The following BAZ2B variants were observed in gnomAD, a reference collection of about 807,000 sequenced individuals.
BAZ2B encodes the protein bromodomain adjacent to zinc finger domain 2B, also known as bromodomain adjacent to zinc finger domain protein 2B.
In BAZ2B, 91 loss-of-function variants were observed where a neutral mutation model predicts 246.0. That is an observed-to-expected ratio of 0.37 (90% CI 0.31 to 0.44). The LOEUF (loss-of-function observed/expected upper bound fraction) is 0.44, where lower values mean the gene tolerates loss of function less well. BAZ2B is among the 20% of genes least tolerant of loss of function. BAZ2B has a pLI of 1.00. For missense variants in BAZ2B, 2,332 were observed against 2,533.7 expected, an observed-to-expected ratio of 0.92 and a Z score of 1.71; for synonymous variants, 855 against 860.0, an observed-to-expected ratio of 0.99 and a Z score of 0.10.
chr2:159,630,728 G>A, the BAZ2B span, among the ~76,000 whole-genome samples: 1 of 152,056 alleles, frequency 6.6e-6, no homozygotes, highest in Admixed American at 6.5e-5. Context: ...TAGAGACAGG[G>A]TTTCACCGTG....
chr2:159,454,799 C>A (rs1370528299), intron 3 of BAZ2B, among the ~76,000 whole-genome samples: 1 of 152,102 alleles, frequency 6.6e-6, no homozygotes, highest in Non-Finnish European at 1.5e-5. Flanking sequence ...ATATAAAAAT[C>A]ATTTTTAGCT....
chr2:159,573,806 A>C (rs1168023948), intron 1 of BAZ2B, among the ~76,000 whole-genome samples: 1 of 152,204 alleles, frequency 6.6e-6, no homozygotes, highest in Non-Finnish European at 1.5e-5. Flanking sequence ...CTCAATAATT[A>C]AAAACAACAC....
chr2:159,337,327 C>G, intron 32 of BAZ2B: 3 of 1,190,288 alleles, frequency 2.5e-6, no homozygotes, highest in Non-Finnish European at 3.4e-6. Context: ...AAAGTTTTTA[C>G]AAAGCACCAT....
chr2:159,413,120 C>T (rs891692862), intron 13 of BAZ2B, among the ~76,000 whole-genome samples: 2 of 152,146 alleles, frequency 1.3e-5, no homozygotes, highest in African/African-American at 4.8e-5. Flanking sequence ...GATGGAGGCT[C>T]ATACAATCAC....
Position 159,349,919 on chromosome 2 carries a change from G to A in BAZ2B, c.4652C>T (p.Thr1551Met), listed in dbSNP as rs552915317. The part of the protein sequence containing the change: ...SPLPNDQLLK[T>M]LTEKNRQWFS... ...CCATTGTCTATTCTTTTCAGTCAGC[G>A]TTTTTAGTAACTGGTCATTGGGGAG... The change falls in exon 28 of 37, where the codon ACG (threonine) becomes ATG (methionine). Residue 1551 changes from threonine (T) to methionine (M), a missense_variant. Physicochemically the swap from Thr to Met is moderately conservative, Grantham distance 81. Coordinates refer to ENST00000392783, the MANE Select transcript of BAZ2B (RefSeq NM_013450.4). 4.3e-6 allele frequency: 7 copies of A among 1,614,168 alleles called. No individual in the cohort carries two copies. Among genetic ancestry groups the A allele is most frequent in the East Asian group, 2.2e-5 (1 of 44,882 alleles).
At chr2:159,687,004 T>C in the BAZ2B span, among the ~76,000 whole-genome samples, 1 of 128,154 alleles carries the variant, frequency 7.8e-6, no homozygotes, top group Non-Finnish European at 1.5e-5. Flanking sequence ...ATTGCGCCAC[T>C]ACGCTCCAGC....
intron 1 of BAZ2B, among the ~76,000 whole-genome samples, chr2:159,561,145 G>A (rs1254955004): frequency 6.6e-6 from 1 of 152,140 alleles, no homozygotes; most frequent in Non-Finnish European, 1.5e-5. Context: ...GTGTGATATT[G>A]CAGGAAAGTG....
chr2:159,562,210 TA>T (rs34094715), intron 1 of BAZ2B, among the ~76,000 whole-genome samples: 6 of 152,170 alleles, frequency 3.9e-5, no homozygotes, highest in South Asian at 4.1e-4. Flanking sequence ...GAAACTTCTC[TA>T]AAAAAAGGTA....
chr2:159,476,471 C>T (rs889547850), intron 3 of BAZ2B, among the ~76,000 whole-genome samples: 1 of 152,032 alleles, frequency 6.6e-6, no homozygotes, highest in Non-Finnish European at 1.5e-5. Flanking sequence ...TAATGTTATT[C>T]AGCAACTCGG....
chr2:159,465,997 G>C (rs188236531), intron 3 of BAZ2B, among the ~76,000 whole-genome samples: 6 of 152,138 alleles, frequency 3.9e-5, no homozygotes, highest in Non-Finnish European at 7.4e-5. Context: ...AGAAAATCAT[G>C]CTGTAATAGT....
chr2:159,642,068 T>G, the BAZ2B span, among the ~76,000 whole-genome samples: 1 of 152,142 alleles, frequency 6.6e-6, no homozygotes, highest in Non-Finnish European at 1.5e-5. Context: ...TCAAGTTCTA[T>G]TAAGATCAAG....
At chr2:159,491,713 TC>T (rs1439326855) in intron 2 of BAZ2B, among the ~76,000 whole-genome samples, 26 of 23,702 alleles carry the variant, frequency 1.1e-3, no homozygotes, top group African/African-American at 5.1e-3. Flanking sequence ...AGAGCGAGAC[TC>T]CGTCTCAAAA....
intron 3 of BAZ2B, chr2:159,462,868 C>T: frequency 6.2e-7 from 1 of 1,603,736 alleles, no homozygotes; most frequent in Non-Finnish European, 8.5e-7. Context: ...TTCACATAGG[C>T]TCTTAAAGCA....
At chr2:159,431,740 G>A (rs114196637) in intron 9 of BAZ2B, among the ~76,000 whole-genome samples, 1,756 of 152,160 alleles carry the variant, frequency 0.012, 40 homozygotes, top group African/African-American at 0.04. Flanking sequence ...GTTTGTTCTA[G>A]CTACGTAGTT....
chr2:159,510,201 G>C (rs1423719526), intron 2 of BAZ2B, among the ~76,000 whole-genome samples: 1 of 151,954 alleles, frequency 6.6e-6, no homozygotes. Context: ...AATTTTTTTT[G>C]AGACAGGGTC....
chr2:159,349,386 A>C, intron 28 of BAZ2B, 106 bp from the exon 29 acceptor site: 1 of 1,161,712 alleles, frequency 8.6e-7, no homozygotes, highest in South Asian at 1.8e-5. Flanking sequence ...ATATTCTTTC[A>C]TTTATTACAA....
the BAZ2B span, among the ~76,000 whole-genome samples, chr2:159,643,213 C>A: frequency 5.9e-5 from 9 of 152,252 alleles, no homozygotes; most frequent in African/African-American, 2.2e-4. Flanking sequence ...GGTGGTTTAA[C>A]CCACAAAATT....
At position 159,349,269 on chromosome 2, in the gene BAZ2B, T is replaced by C. The variant is rs2058304192; in HGVS notation, c.4875A>G (p.Gly1625=). ...AAAACTGAAGTCCCATCATAGATAC[T>C]CCACCTTTCACCTGCAAAAAGAAAA... ...FALSPLQVKG[G]VSMMGLQFCG... is the part of the protein sequence containing the mutation. The change falls in exon 29 of 37, where the codon GGA becomes GGG. Residue 1625 remains glycine, a synonymous_variant. Coordinates refer to ENST00000392783, the MANE Select transcript of BAZ2B (RefSeq NM_013450.4). 1 of 1,600,118 alleles carries C rather than the reference T, an allele frequency of 6.2e-7. No homozygotes were observed. The highest frequency in any genetic ancestry group is 1.3e-5 in the African/African-American group (1 of 74,526).
chr2:159,535,302 A>G (rs1340348841), intron 2 of BAZ2B, among the ~76,000 whole-genome samples: 1 of 152,194 alleles, frequency 6.6e-6, no homozygotes, highest in Non-Finnish European at 1.5e-5. Context: ...TGGGCGGATC[A>G]CTTGAGGTCA....
Sources: gnomAD v4.1 joint callset for allele counts (sites outside exome capture counted in the v4.1 genomes callset) on GRCh38, gnomAD v4.1.1 for gene constraint, MANE v1.5 for transcripts, NCBI Gene and HGNC (gene_info 2026-07-23, HGNC 2026-07-21) for gene names.